The following ELN variants were observed in gnomAD, a reference collection of about 807,000 sequenced individuals.
ELN encodes the protein tropoelastin.
In ELN, 65 loss-of-function variants were observed where a neutral mutation model predicts 105.8. The ratio of observed to expected loss-of-function variants is 0.61; its 90% CI spans 0.50 to 0.75. The LOEUF is 0.75. ELN is among the 30% of genes least tolerant of loss of function. ELN has a pLI of 0.00. For synonymous variants in ELN, 368 were observed against 389.2 expected, an observed-to-expected ratio of 0.95 and a Z score of 0.64; for missense variants, 882 against 969.4, an observed-to-expected ratio of 0.91 and a Z score of 1.20.
chr7:74,068,542 C>A, intron 32 of ELN, 115 bp from the exon 33 acceptor site: 1 of 1,312,378 alleles, frequency 7.6e-7, no homozygotes, highest in Non-Finnish European at 1.1e-6. Flanking sequence ...GGGGCCATGA[C>A]TTGGCTTCTC....
At chr7:74,029,714 G>A (rs1193666662) in intron 1 of ELN, among the ~76,000 whole-genome samples, 14 of 152,208 alleles carry the variant, frequency 9.2e-5, no homozygotes, top group Admixed American at 7.2e-4. Flanking sequence ...CAGCAGCCCC[G>A]GGTCCGTCTC....
rs534656405 is a variant in ELN at position 74,063,959 on chromosome 7, C to T, written c.1993+264C>T. Among the ~76,000 whole-genome samples the T allele has an allele frequency of 3.7e-4, 56 of 151,944 alleles. 1 individual carries two copies. In the South Asian group the frequency reaches 0.011, roughly 29 times the overall value. On this transcript the variant is annotated intron_variant, in intron 29 of 32. Transcript: ENST00000252034. This position sits in a 1 kb window ranked among gnomAD's most constrained non-coding sequence, Gnocchi z 4.1. ...CTCTACCAAAAATACAAAAATAAGC[C>T]GGGCGTGGTGGTGGGCACCTGTATT...
intron 21 of ELN, 123 bp from the exon 22 acceptor site, chr7:74,057,517 G>T: frequency 6.3e-7 from 1 of 1,597,882 alleles, no homozygotes; most frequent in East Asian, 2.2e-5. Flanking sequence ...TCTCATGGAA[G>T]GGTCCCTGGA....
At chr7:74,047,455 G>A (rs1554673153) in intron 12 of ELN, among the ~76,000 whole-genome samples, 1 of 152,210 alleles carries the variant, frequency 6.6e-6, no homozygotes, top group African/African-American at 2.4e-5. Flanking sequence ...GCCATGATGG[G>A]GCTTGAATTT....
chr7:74,064,007 G>A (rs941534222), intron 29 of ELN, among the ~76,000 whole-genome samples: 2 of 152,078 alleles, frequency 1.3e-5, no homozygotes, highest in Non-Finnish European at 2.9e-5. Flanking sequence ...AGAGGCTGAG[G>A]CCAGAGGATC....
chr7:74,056,181 A>G (rs1795183544), intron 19 of ELN, 90 bp from the exon 20 acceptor site: 1 of 1,545,718 alleles, frequency 6.5e-7, no homozygotes, highest in Non-Finnish European at 8.9e-7. Flanking sequence ...GGAAATTTAC[A>G]TCCTCTTTCC....
intron 1 of ELN, among the ~76,000 whole-genome samples, chr7:74,031,722 G>A (rs1554662290): frequency 6.6e-6 from 1 of 151,712 alleles, no homozygotes; most frequent in East Asian, 1.9e-4. Context: ...TTTGAGACCA[G>A]CCTGGGCAAC....
chr7:74,054,190 G>A (rs897942411), intron 18 of ELN, among the ~76,000 whole-genome samples: 10 of 152,106 alleles, frequency 6.6e-5, no homozygotes, highest in African/African-American at 1.9e-4. Flanking sequence ...ATGGACAGCC[G>A]GGAGCAGTGG....
In ELN at chr7:74,033,129, A is replaced by G. The variant is rs1246574239; in HGVS notation, c.83-2235A>G. Reference sequence around the variant, plus strand: ...AAGTGATTATCTGCCCCATGTCACAAAAAAGGAAACCGATGTTCAGAGAGG... The same window carrying G: ...AAGTGATTATCTGCCCCATGTCACAGAAAAGGAAACCGATGTTCAGAGAGG... On this transcript the variant is annotated intron_variant, in intron 1 of 32. Coordinates refer to ENST00000252034, the MANE Select transcript of ELN (RefSeq NM_000501.4). Among the ~76,000 whole-genome samples the G allele has an allele frequency of 2.6e-5, 4 of 152,366 alleles. No homozygotes were observed. The East Asian group carries it at 5.8e-4, about 22-fold the overall frequency.
Position 74,051,845 on chromosome 7 carries a change from A to C in ELN, c.889+6A>C. The C allele has an allele frequency of 1.2e-6, 2 of 1,614,216 alleles. No individual in the cohort carries two copies. Among genetic ancestry groups the C allele is most frequent in the Non-Finnish European group, 1.7e-6 (2 of 1,180,018 alleles). On this transcript the variant is annotated splice_donor_region_variant and intron_variant, in intron 16 of 32. Coordinates refer to ENST00000252034, the MANE Select transcript of ELN (RefSeq NM_000501.4). ...TGGAATTGGAGGCATCGCAGGTAAC[A>C]TCTGTCCCAGCAGGGGGCGGGTGTG...
At chr7:74,040,646 G>T (rs549899085) in intron 4 of ELN, among the ~76,000 whole-genome samples, 2 of 152,318 alleles carry the variant, frequency 1.3e-5, no homozygotes, top group African/African-American at 4.8e-5. Flanking sequence ...CAAGGCAGTG[G>T]AATGTCTCCC....
chr7:74,064,427 T>A (rs192259261), intron 29 of ELN, among the ~76,000 whole-genome samples: 19,968 of 132,736 alleles, frequency 0.15, 2,018 homozygotes, highest in African/African-American at 0.3. Context: ...AAAAAAAATA[T>A]ATATATATAT....
chr7:74,046,587 T>G, intron 11 of ELN, 109 bp from the exon 12 acceptor site: 1 of 1,214,948 alleles, frequency 8.2e-7, no homozygotes, highest in Non-Finnish European at 1.2e-6. Context: ...AGCAGGATGG[T>G]TTCTGGATGC....
At position 74,047,685 on chromosome 7, in the gene ELN, A is replaced by T; in HGVS notation, c.654A>T (p.Gly218=). Residue 218 remains glycine, a synonymous_variant, in exon 13 of 33, where the codon GGA becomes GGT. Transcript: ENST00000252034. ...IKAPKLPGGY[G]LPYTTGKLPY... is the part of the protein sequence containing the mutation. ...CTGTCCTCTCTCCAGGTGGCTATGG[A>T]CTGCCCTACACCACAGGGAAACTGC... The T allele has an allele frequency of 1.2e-6, 2 of 1,614,100 alleles. No individual in the cohort carries two copies. The highest frequency in any genetic ancestry group is 1.1e-5 in the South Asian group (1 of 91,080).
chr7:74,052,327 A>G (rs1794223708), intron 17 of ELN: 2 of 360,236 alleles, frequency 5.6e-6, no homozygotes, highest in Non-Finnish European at 1.1e-5. Flanking sequence ...CTAGCTATGC[A>G]CAGTGGCTCA....
intron 15 of ELN, among the ~76,000 whole-genome samples, chr7:74,050,436 T>C (rs1481030316): frequency 6.6e-6 from 1 of 151,476 alleles, no homozygotes; most frequent in Admixed American, 6.6e-5. Context: ...CATCTATCCA[T>C]CACTCCCTCC....
At chr7:74,030,901 T>C (rs568931865) in intron 1 of ELN, among the ~76,000 whole-genome samples, 2 of 152,316 alleles carry the variant, frequency 1.3e-5, no homozygotes, top group Admixed American at 1.3e-4. Context: ...GCTCTGTGTG[T>C]CTGCCGAGGC....
chr7:74,037,175 C>T (rs1322633230), intron 3 of ELN, among the ~76,000 whole-genome samples: 1 of 150,660 alleles, frequency 6.6e-6, no homozygotes, highest in African/African-American at 2.4e-5. Context: ...CCTGCCAAGC[C>T]GGCTGAGCAG....
intron 11 of ELN, 54 bp from the exon 12 acceptor site, chr7:74,046,642 G>A (rs900795852): frequency 1.6e-5 from 25 of 1,594,760 alleles, no homozygotes; most frequent in African/African-American, 4.0e-5. Flanking sequence ...AGTGGGTGGC[G>A]GAGGGTTTGG....
Sources: allele counts gnomAD v4.1 joint callset (sites outside exome capture counted in the v4.1 genomes callset), GRCh38; gene constraint gnomAD v4.1.1; non-coding constraint Gnocchi (gnomAD v3.1); transcripts MANE v1.5; gene names NCBI Gene and HGNC (gene_info 2026-07-23, HGNC 2026-07-21).